The following FLI1 variants were observed in gnomAD, a reference collection of about 807,000 sequenced individuals.
The protein encoded by FLI1 is Fli-1 proto-oncogene, ETS transcription factor.
In FLI1, 13 loss-of-function variants were observed where a neutral mutation model predicts 53.1. The ratio of observed to expected loss-of-function variants is 0.24; its 90% CI spans 0.16 to 0.39. The LOEUF (loss-of-function observed/expected upper bound fraction) is 0.39, where lower values mean the gene tolerates loss of function less well. FLI1 is among the 10% of genes least tolerant of loss of function. The probability of loss-of-function intolerance (pLI) is 1.00; values close to 1 mark genes in which losing one functional copy is unlikely to be tolerated. For missense variants in FLI1, 424 were observed against 600.5 expected (o/e 0.71, Z 3.07); for synonymous variants, 244 against 236.7 (o/e 1.03, Z -0.28).
Position 128,694,135 on chromosome 11 carries a change from G to A in FLI1, c.-124G>A. ...AGTGAGGGCAGGGCGCTCGCAGGGG[G>A]CACGCAGGGAGGGCCCAGGGCGCCA... On this transcript the variant is annotated 5_prime_UTR_variant, in exon 1 of 9. Coordinates refer to ENST00000527786, the MANE Select transcript of FLI1 (RefSeq NM_002017.5). The A allele has an allele frequency of 9.8e-7, 1 of 1,022,232 alleles. No homozygotes were observed. Among genetic ancestry groups the A allele is most frequent in the Non-Finnish European group, 1.4e-6 (1 of 729,616 alleles). The allele number at this position is 1,022,232 out of a possible 1,614,324, so 63.3% of individuals were successfully genotyped here. A position where few individuals can be genotyped will look rare whatever the true frequency, so the allele number is the denominator to read the frequency against.
chr11:128,750,966 C>T (rs1219822944), intron 1 of FLI1, among the ~76,000 whole-genome samples: 2 of 152,188 alleles, frequency 1.3e-5, no homozygotes, highest in Non-Finnish European at 2.9e-5. Context: ...TTTTCATTAT[C>T]TCACAACAGA....
At chr11:128,722,714 A>G (rs1939303872) in intron 1 of FLI1, among the ~76,000 whole-genome samples, 1 of 152,244 alleles carries the variant, frequency 6.6e-6, no homozygotes. Flanking sequence ...GGAGCTACTC[A>G]GATGAGGTAA....
intron 1 of FLI1, among the ~76,000 whole-genome samples, chr11:128,713,433 T>C (rs1303574368): frequency 6.6e-6 from 1 of 152,224 alleles, no homozygotes; most frequent in African/African-American, 2.4e-5. Context: ...AATACAATTC[T>C]GTGAACAAAG....
chr11:128,786,280 T>A (rs1051714140), intron 5 of FLI1, among the ~76,000 whole-genome samples: 4 of 152,200 alleles, frequency 2.6e-5, no homozygotes, highest in Non-Finnish European at 5.9e-5. Flanking sequence ...GGACCCAGAT[T>A]GTCCTAGAAA....
At chr11:128,738,719 G>A (rs529072610) in intron 1 of FLI1, among the ~76,000 whole-genome samples, 2 of 152,182 alleles carry the variant, frequency 1.3e-5, no homozygotes, top group African/African-American at 4.8e-5. Flanking sequence ...CAATGACTAA[G>A]AGCGCTTTGG....
rs376507960 is a variant in FLI1 at position 128,764,923 on chromosome 11, G to A, written c.231-3195G>A. 2.3e-4 allele frequency: 296 copies of A among 1,268,460 alleles called. 1 individual carries two copies. The highest frequency in any genetic ancestry group is 2.8e-4 in the Non-Finnish European group (250 of 904,682). 78.6% of individuals were successfully genotyped at this position (1,268,460 alleles called of 1,614,324 possible). On this transcript the variant is annotated intron_variant, in intron 2 of 8. Transcript: ENST00000527786. ...CCAGCCCTTCTCCCTAAGGACACCC[G>A]CCTGCAGGTCCTAGTGCAGAAGCCT...
intron 1 of FLI1, among the ~76,000 whole-genome samples, chr11:128,707,350 C>T (rs778377954): frequency 9.2e-5 from 14 of 152,220 alleles, no homozygotes; most frequent in Non-Finnish European, 2.1e-4. Context: ...GGGCACAAGT[C>T]CTCTTTCTCA....
chr11:128,736,903 C>T (rs568630451), intron 1 of FLI1, among the ~76,000 whole-genome samples: 1 of 152,220 alleles, frequency 6.6e-6, no homozygotes, highest in South Asian at 2.1e-4. Flanking sequence ...GAGGGCAGAG[C>T]CTGACTCAGC....
upstream of FLI1, chr11:128,692,777 C>A (rs1937807001): frequency 6.6e-6 from 1 of 152,204 alleles, no homozygotes; most frequent in South Asian, 2.1e-4. Flanking sequence ...AAGTCCAAAG[C>A]GTGGTCCGGA....
At chr11:128,784,405 G>A (rs2055773219) in intron 5 of FLI1, among the ~76,000 whole-genome samples, 1 of 152,032 alleles carries the variant, frequency 6.6e-6, no homozygotes, top group Admixed American at 6.6e-5. Flanking sequence ...CCTCTTGCTG[G>A]GTAGCAACCC....
At chr11:128,700,533 G>A (rs1304202228) in intron 1 of FLI1, among the ~76,000 whole-genome samples, 1 of 152,124 alleles carries the variant, frequency 6.6e-6, no homozygotes, top group Non-Finnish European at 1.5e-5. Context: ...GGATGGGAGT[G>A]GAAAGACTGA....
At chr11:128,699,645 C>T (rs1938237274) in intron 1 of FLI1, among the ~76,000 whole-genome samples, 1 of 152,168 alleles carries the variant, frequency 6.6e-6, no homozygotes, top group Non-Finnish European at 1.5e-5. Flanking sequence ...ATTAATTGAT[C>T]CATGGGATGA....
chr11:128,687,897 T>A (rs964280624), intron 1 of FLI1, among the ~76,000 whole-genome samples: 3 of 152,154 alleles, frequency 2.0e-5, no homozygotes, highest in Non-Finnish European at 2.9e-5. Context: ...TGAAATACAG[T>A]GTAATTCATG....
intron 5 of FLI1, among the ~76,000 whole-genome samples, chr11:128,787,873 C>T (rs1462802881): frequency 4.3e-5 from 6 of 140,908 alleles, no homozygotes; most frequent in Non-Finnish European, 7.5e-5. Context: ...GTGGCGTGAT[C>T]TCGGCTCACT....
chr11:128,798,752 C>T (rs560681899), intron 5 of FLI1, among the ~76,000 whole-genome samples: 6 of 152,232 alleles, frequency 3.9e-5, no homozygotes, highest in Admixed American at 1.3e-4. Flanking sequence ...GGATGTAAGA[C>T]GCCGCTGAAG....
At position 128,810,915 on chromosome 11, in the gene FLI1, GA is replaced by G; in HGVS notation, c.1288del (p.Ile430SerfsTer19). ...CAATACTGGACCTCCCCCACGGGGG[GA>G]ATCTACCCCAACCCCAACGTCCCCC... ...ASQYWTSPTG[G>X]IYPNPNVPRH... is the part of the protein sequence containing the mutation. On this transcript the variant is annotated frameshift_variant, in exon 9 of 9. Transcript: ENST00000527786. LOFTEE classifies it high-confidence loss of function. The surrounding 1 kb of genome is among the most constrained non-coding windows in gnomAD (Gnocchi z 6.6). 6.2e-7 allele frequency: 1 copy of G among 1,613,956 alleles called. No individual in the cohort carries two copies. Among genetic ancestry groups the G allele is most frequent in the Non-Finnish European group, 8.5e-7 (1 of 1,179,874 alleles).
At chr11:128,751,253 A>G (rs1940630855) in intron 1 of FLI1, among the ~76,000 whole-genome samples, 1 of 152,234 alleles carries the variant, frequency 6.6e-6, no homozygotes, top group Non-Finnish European at 1.5e-5. Context: ...CATTCGGAGA[A>G]GTAGGTATCG....
chr11:128,696,475 T>C (rs1457291355), intron 1 of FLI1, among the ~76,000 whole-genome samples: 1 of 152,200 alleles, frequency 6.6e-6, no homozygotes, highest in Non-Finnish European at 1.5e-5. Context: ...TCTTCTGCTC[T>C]CTTGGTGAGA....
chr11:128,811,907 A>G lies in FLI1; in HGVS notation c.*919A>G, dbSNP rs2135927640. On this transcript the variant is annotated 3_prime_UTR_variant, in exon 9 of 9. Coordinates refer to ENST00000527786, the MANE Select transcript of FLI1 (RefSeq NM_002017.5). ...ATAATTAAAAATTAAGAATAAATAA[A>G]CGAGTTGACCTCGGTCACAAAAGCA... 5.0e-6 allele frequency: 1 copy of G among 198,634 alleles called. No homozygotes were observed. Among genetic ancestry groups the G allele is most frequent in the South Asian group, 1.9e-4 (1 of 5,228 alleles). The allele number at this position is 198,634 out of a possible 1,614,324, so 12.3% of individuals were successfully genotyped here.
Sources: allele counts gnomAD v4.1 joint callset (sites outside exome capture counted in the v4.1 genomes callset), GRCh38; gene constraint gnomAD v4.1.1; non-coding constraint Gnocchi (gnomAD v3.1); transcripts MANE v1.5; gene names NCBI Gene and HGNC (gene_info 2026-07-23, HGNC 2026-07-21).